The following CA10 variants were observed in gnomAD, a reference collection of about 807,000 sequenced individuals.
The protein encoded by CA10 is carbonic anhydrase-related protein 10.
In CA10, 14 loss-of-function variants were observed where a neutral mutation model predicts 44.2. The ratio of observed to expected loss-of-function variants is 0.32; its 90% CI spans 0.21 to 0.50. The LOEUF is 0.50. Ranked by LOEUF, CA10 falls within the 20% of genes least tolerant of loss-of-function variation. The pLI, the probability that CA10 is intolerant of heterozygous loss-of-function variation, is 0.99. For missense variants in CA10, 350 were observed against 409.7 expected (o/e 0.85, Z 1.26); for synonymous variants, 159 against 141.6 (o/e 1.12, Z -0.87).
intron 2 of CA10, among the ~76,000 whole-genome samples, chr17:51,990,443 G>A (rs1984999533): frequency 6.6e-6 from 1 of 152,022 alleles, no homozygotes; most frequent in African/African-American, 2.4e-5. Context: ...AAAAAAATTA[G>A]TATAAATGAT....
intron 6 of CA10, among the ~76,000 whole-genome samples, chr17:51,637,102 C>A (rs1008055492): frequency 6.6e-6 from 1 of 151,436 alleles, no homozygotes; most frequent in African/African-American, 2.4e-5. Flanking sequence ...CAATGTATCT[C>A]TCCTCTTCTC....
chr17:51,867,949 AAC>A (rs1979625317), intron 3 of CA10, among the ~76,000 whole-genome samples: 5 of 152,236 alleles, frequency 3.3e-5, no homozygotes, highest in Admixed American at 3.3e-4. Flanking sequence ...TGTAAATCTA[AAC>A]AGTTTGATGA....
At chr17:51,844,285 G>A (rs1978397622) in intron 3 of CA10, among the ~76,000 whole-genome samples, 1 of 152,090 alleles carries the variant, frequency 6.6e-6, no homozygotes, top group Non-Finnish European at 1.5e-5. Context: ...CCCTTTTTGT[G>A]ATGTTGAGAA....
At chr17:51,886,958 C>A (rs1980629817) in intron 3 of CA10, among the ~76,000 whole-genome samples, 1 of 152,036 alleles carries the variant, frequency 6.6e-6, no homozygotes, top group Admixed American at 6.6e-5. Context: ...CATCAGCTCC[C>A]CCTGTGCACC....
intron 3 of CA10, among the ~76,000 whole-genome samples, chr17:51,870,908 G>A (rs946175697): frequency 2.0e-5 from 3 of 152,216 alleles, no homozygotes; most frequent in South Asian, 2.1e-4. Flanking sequence ...GAGATTCTTC[G>A]CTTTCCTCTA....
At chr17:52,024,901 A>G (rs548161249) in intron 2 of CA10, among the ~76,000 whole-genome samples, 1 of 151,940 alleles carries the variant, frequency 6.6e-6, no homozygotes, top group Non-Finnish European at 1.5e-5. Context: ...GATGGTCATA[A>G]AGTAAAAATG....
chr17:51,991,131 C>T (rs1032575892), intron 2 of CA10, among the ~76,000 whole-genome samples: 13 of 152,092 alleles, frequency 8.5e-5, no homozygotes, highest in Non-Finnish European at 1.8e-4. Context: ...TTTGACTTAT[C>T]ACCTAGGGTT....
intron 1 of CA10, among the ~76,000 whole-genome samples, chr17:52,110,109 A>G (rs988979299): frequency 2.6e-5 from 4 of 152,192 alleles, no homozygotes; most frequent in African/African-American, 9.7e-5. Flanking sequence ...AAATTGACAG[A>G]TCAGCATGGT....
chr17:52,055,540 A>C (rs1431128710), intron 2 of CA10, among the ~76,000 whole-genome samples: 6 of 152,104 alleles, frequency 3.9e-5, no homozygotes, highest in African/African-American at 1.4e-4. Context: ...GGCTCCAAGA[A>C]TGTATTCAAG....
chr17:51,966,521 T>C (rs1303943501), intron 2 of CA10, among the ~76,000 whole-genome samples: 1 of 151,756 alleles, frequency 6.6e-6, no homozygotes, highest in African/African-American at 2.4e-5. Context: ...TATTGATCAA[T>C]AGAATAGAAT....
intron 3 of CA10, among the ~76,000 whole-genome samples, chr17:51,798,666 G>T (rs1395133030): frequency 6.6e-6 from 1 of 152,202 alleles, no homozygotes; most frequent in Admixed American, 6.5e-5. Flanking sequence ...GTTTAAAGTT[G>T]CATTGTCACT....
At chr17:51,742,934 T>C in intron 4 of CA10, among the ~76,000 whole-genome samples, 1 of 152,230 alleles carries the variant, frequency 6.6e-6, no homozygotes, top group East Asian at 1.9e-4. Flanking sequence ...AATCCCCTTC[T>C]GGAATAAGCT....
intron 3 of CA10, chr17:51,761,681 C>A (rs1359043804): frequency 6.6e-6 from 1 of 152,130 alleles, no homozygotes; most frequent in Non-Finnish European, 1.5e-5. Context: ...AATGACTATG[C>A]ATTTGGTATT....
At chr17:52,145,919 T>A (rs1989573193) in intron 1 of CA10, among the ~76,000 whole-genome samples, 1 of 152,034 alleles carries the variant, frequency 6.6e-6, no homozygotes, top group Admixed American at 6.5e-5. Flanking sequence ...TCGATAAATA[T>A]CTACTTGGAT....
At chr17:52,091,115 C>T (rs9303594) in intron 1 of CA10, among the ~76,000 whole-genome samples, 1 of 152,020 alleles carries the variant, frequency 6.6e-6, no homozygotes. Flanking sequence ...AAAAAATCAG[C>T]ATATAAAAAA....
chr17:51,788,058 T>C (rs1906364699), intron 3 of CA10, among the ~76,000 whole-genome samples: 1 of 152,190 alleles, frequency 6.6e-6, no homozygotes, highest in Non-Finnish European at 1.5e-5. Context: ...GTTGCTTATT[T>C]GAAATTTTTC....
At chr17:51,703,158 C>T (rs114868631) in intron 4 of CA10, among the ~76,000 whole-genome samples, 4 of 151,952 alleles carry the variant, frequency 2.6e-5, no homozygotes, top group African/African-American at 7.3e-5. Flanking sequence ...GTTTCATGCT[C>T]GGAGGGCAAA....
intron 3 of CA10, among the ~76,000 whole-genome samples, chr17:51,927,079 T>C (rs1282803544): frequency 6.6e-6 from 1 of 152,176 alleles, no homozygotes; most frequent in Non-Finnish European, 1.5e-5. Context: ...CTACCTTCTA[T>C]ACTTAACATA....
chr17:51,716,454 A>T (rs1241337754), intron 4 of CA10, among the ~76,000 whole-genome samples: 1 of 152,124 alleles, frequency 6.6e-6, no homozygotes, highest in African/African-American at 2.4e-5. Flanking sequence ...GCCTCGAAAA[A>T]TGATATTTAT....
Sources: allele counts gnomAD v4.1 joint callset (sites outside exome capture counted in the v4.1 genomes callset), GRCh38; gene constraint gnomAD v4.1.1; transcripts MANE v1.5; gene names NCBI Gene and HGNC (gene_info 2026-07-23, HGNC 2026-07-21).